The following SLC2A13 variants were observed in gnomAD, a reference collection of about 807,000 sequenced individuals.
The protein encoded by SLC2A13 is proton myo-inositol cotransporter.
In SLC2A13, 32 loss-of-function variants were observed where a neutral mutation model predicts 64.4. The ratio of observed to expected loss-of-function variants is 0.50; its 90% confidence interval spans 0.37 to 0.67. The LOEUF is 0.67. Ranked by LOEUF, SLC2A13 falls within the 30% of genes least tolerant of loss-of-function variation. The pLI, the probability that SLC2A13 is intolerant of heterozygous loss-of-function variation, is 0.00. For missense variants in SLC2A13, 743 were observed against 829.2 expected (o/e 0.90, Z 1.28); for synonymous variants, 338 against 327.1 (o/e 1.03, Z -0.36).
chr12:39,879,084 C>T (rs906398089), intron 4 of SLC2A13, among the ~76,000 whole-genome samples: 24 of 152,390 alleles, frequency 1.6e-4, no homozygotes, highest in African/African-American at 5.5e-4. Context: ...GCCTTGCTGT[C>T]TTCTACATGG....
intron 3 of SLC2A13, among the ~76,000 whole-genome samples, chr12:40,009,295 T>C (rs2046359653): frequency 6.6e-6 from 1 of 152,154 alleles, no homozygotes; most frequent in African/African-American, 2.4e-5. Flanking sequence ...AGAAGAAAAA[T>C]GCCTGAAATC....
In SLC2A13 at chr12:39,786,076, CATG is replaced by C. The variant is rs538791916; in HGVS notation, c.1446-21221_1446-21219del. ...AGAATTTGCAGGACTGTTGGGAAGG[CATG>C]ATTAGTTTTGAAATGTGAGGACATG... On this transcript the variant is annotated intron_variant, in intron 7 of 9. Coordinates refer to ENST00000280871, the MANE Select transcript of SLC2A13 (RefSeq NM_052885.4). Among the ~76,000 whole-genome samples the C allele has an allele frequency of 2.2e-3, 334 of 152,180 alleles. 1 individual carries two copies. The highest frequency in any genetic ancestry group is 7.5e-3 in the African/African-American group (311 of 41,522).
Position 39,896,322 on chromosome 12 carries a change from A to ATGTGTATATATGTATACATATATGTATG in SLC2A13, c.1035-24362_1035-24361insCATACATATATGTATACATATATACACA, listed in dbSNP as rs1565527964. Among the ~76,000 whole-genome samples the ATGTGTATATATGTATACATATATGTATG allele has an allele frequency of 1.6e-3, 135 of 86,928 alleles. 1 individual carries two copies. The highest frequency in any genetic ancestry group is 2.5e-3 in the Non-Finnish European group (109 of 43,258). 57.0% of individuals were successfully genotyped at this position (86,928 alleles called of 152,430 possible). Reference sequence around the variant, plus strand: ...TATATATGTATACATATATGTATGTATATGTGTATATATGTATACATATAT... The same window carrying ATGTGTATATATGTATACATATATGTATG: ...TATATATGTATACATATATGTATGTATGTGTATATATGTATACATATATGTATGTATGTGTATATATGTATACATATAT... On this transcript the variant is annotated intron_variant, in intron 4 of 9. Coordinates refer to ENST00000280871, the MANE Select transcript of SLC2A13 (RefSeq NM_052885.4).
intron 3 of SLC2A13, among the ~76,000 whole-genome samples, chr12:39,991,705 AC>A: frequency 6.6e-6 from 1 of 152,044 alleles, no homozygotes; most frequent in Middle Eastern, 3.4e-3. Flanking sequence ...TGTCCCACTC[AC>A]CATCCTATTA....
chr12:39,789,935 A>G (rs984069256), intron 7 of SLC2A13, among the ~76,000 whole-genome samples: 2 of 152,126 alleles, frequency 1.3e-5, no homozygotes, highest in East Asian at 3.8e-4. Context: ...ATAAATCAGG[A>G]TATCTTTAAT....
At chr12:40,025,448 T>G (rs903456392) in intron 3 of SLC2A13, among the ~76,000 whole-genome samples, 3 of 152,068 alleles carry the variant, frequency 2.0e-5, no homozygotes, top group African/African-American at 7.3e-5. Flanking sequence ...AAGAGAAGGA[T>G]CACATATGCA....
At chr12:39,923,177 AAC>A (rs1945645105) in intron 4 of SLC2A13, among the ~76,000 whole-genome samples, 1 of 152,224 alleles carries the variant, frequency 6.6e-6, no homozygotes, top group African/African-American at 2.4e-5. Context: ...AAGAATTGAA[AAC>A]AGTGATTCAA....
At chr12:39,786,984 T>A (rs1338551525) in intron 7 of SLC2A13, among the ~76,000 whole-genome samples, 1 of 58,454 alleles carries the variant, frequency 1.7e-5, no homozygotes, top group Non-Finnish European at 4.0e-5. Flanking sequence ...TTCTGTGTTT[T>A]TTCTTTTTTT....
intron 3 of SLC2A13, among the ~76,000 whole-genome samples, chr12:40,016,465 C>G (rs959320024): frequency 6.6e-6 from 1 of 152,106 alleles, no homozygotes; most frequent in Non-Finnish European, 1.5e-5. Flanking sequence ...AGAAACAAAA[C>G]AAACACCAAA....
At chr12:39,904,255 C>A (rs769878068) in intron 4 of SLC2A13, among the ~76,000 whole-genome samples, 3 of 152,088 alleles carry the variant, frequency 2.0e-5, no homozygotes, top group Non-Finnish European at 4.4e-5. Flanking sequence ...GGGGGCTAGT[C>A]GTAGAAGCAC....
chr12:39,871,104 T>C (rs76063055), intron 5 of SLC2A13, among the ~76,000 whole-genome samples: 1,612 of 152,256 alleles, frequency 0.011, 24 homozygotes, highest in African/African-American at 0.035. Context: ...AATTATACCA[T>C]GCAGCCATGT....
chr12:39,938,300 G>T (rs919817229), intron 4 of SLC2A13, among the ~76,000 whole-genome samples: 2 of 151,990 alleles, frequency 1.3e-5, no homozygotes, highest in Non-Finnish European at 2.9e-5. Flanking sequence ...CAGAGAGTAG[G>T]TGTGTTGGGT....
At chr12:39,766,848 C>T (rs1036438002) in intron 7 of SLC2A13, among the ~76,000 whole-genome samples, 1 of 152,070 alleles carries the variant, frequency 6.6e-6, no homozygotes, top group African/African-American at 2.4e-5. Flanking sequence ...AATTCAGTCA[C>T]ATCTTTAGGC....
In SLC2A13 at chr12:39,990,685, T is replaced by TG. The variant is rs538930618; in HGVS notation, c.925+37615dup. ...CTACGACTAGGTGGTTGTGACACTG[T>TG]GGGGGGCCTCCATTGCCCCCTAGTG... is the stretch of plus-strand genomic sequence containing the variant. On this transcript the variant is annotated intron_variant, in intron 3 of 9. Transcript: ENST00000280871. Among the ~76,000 whole-genome samples, 61 of 152,270 alleles carry TG rather than the reference T, an allele frequency of 4.0e-4. 1 individual carries two copies. The highest frequency in any genetic ancestry group is 7.1e-4 in the Non-Finnish European group (48 of 68,024).
At chr12:40,024,062 T>C (rs996573265) in intron 3 of SLC2A13, among the ~76,000 whole-genome samples, 5 of 152,206 alleles carry the variant, frequency 3.3e-5, no homozygotes, top group Non-Finnish European at 7.3e-5. Flanking sequence ...AGCAGAAAAG[T>C]TTGCCAATCA....
At chr12:39,770,405 C>T (rs565118199) in intron 7 of SLC2A13, among the ~76,000 whole-genome samples, 2 of 152,280 alleles carry the variant, frequency 1.3e-5, no homozygotes, top group South Asian at 4.1e-4. Context: ...GAGTTCAAAT[C>T]GTGACTCTAC....
At chr12:39,862,699 A>T (rs997111135) in intron 6 of SLC2A13, among the ~76,000 whole-genome samples, 1 of 152,198 alleles carries the variant, frequency 6.6e-6, no homozygotes, top group Non-Finnish European at 1.5e-5. Flanking sequence ...AAATGTATAT[A>T]GATGGTTTTT....
chr12:39,826,749 A>G (rs1198761799), intron 7 of SLC2A13, among the ~76,000 whole-genome samples: 1 of 151,138 alleles, frequency 6.6e-6, no homozygotes, highest in Non-Finnish European at 1.5e-5. Context: ...ACACATATAT[A>G]TGTCATATAA....
chr12:39,946,100 G>A (rs928731492), intron 4 of SLC2A13, among the ~76,000 whole-genome samples: 3 of 152,170 alleles, frequency 2.0e-5, no homozygotes, highest in Non-Finnish European at 4.4e-5. Context: ...CTTCCTATGA[G>A]CTGAACTGCA....
Sources: gnomAD v4.1 joint callset for allele counts (sites outside exome capture counted in the v4.1 genomes callset) on GRCh38, gnomAD v4.1.1 for gene constraint, MANE v1.5 for transcripts, NCBI Gene and HGNC (gene_info 2026-07-23, HGNC 2026-07-21) for gene names.